The following NTNG1 variants were observed in gnomAD, a reference collection of about 807,000 sequenced individuals.
NTNG1 encodes netrin-G1.
Under a neutral mutation model 54.0 loss-of-function variants are expected in NTNG1, and 16 were observed. That is an observed-to-expected ratio of 0.30 (90% confidence interval 0.20 to 0.45). NTNG1 has a LOEUF of 0.45. Ranked by LOEUF, NTNG1 falls within the 20% of genes least tolerant of loss-of-function variation. NTNG1 has a pLI of 1.00. For synonymous variants in NTNG1, 255 were observed against 263.1 expected, an observed-to-expected ratio of 0.97 and a Z score of 0.30; for missense variants, 530 against 678.7, an observed-to-expected ratio of 0.78 and a Z score of 2.43.
chr1:107,271,257 G>A (rs916024909), intron 2 of NTNG1, among the ~76,000 whole-genome samples: 12 of 152,062 alleles, frequency 7.9e-5, no homozygotes, highest in Admixed American at 7.2e-4. Context: ...GTGCAGGTTA[G>A]TTACATACGT....
At chr1:107,166,151 A>G (rs1315925421) in intron 2 of NTNG1, among the ~76,000 whole-genome samples, 1 of 152,206 alleles carries the variant, frequency 6.6e-6, no homozygotes, top group Non-Finnish European at 1.5e-5. Flanking sequence ...GGGATCAATG[A>G]TAGCTTCATA....
At chr1:107,390,838 T>C (rs1280032687) in intron 3 of NTNG1, among the ~76,000 whole-genome samples, 3 of 152,158 alleles carry the variant, frequency 2.0e-5, no homozygotes, top group Admixed American at 6.5e-5. Flanking sequence ...CAGGAACTTA[T>C]CCTCTAGTGA....
chr1:107,176,951 A>T (rs1267623683), intron 2 of NTNG1, among the ~76,000 whole-genome samples: 1 of 152,166 alleles, frequency 6.6e-6, no homozygotes, highest in Non-Finnish European at 1.5e-5. Flanking sequence ...TGCCAGTAGC[A>T]CACACATCCA....
intron 7 of NTNG1, among the ~76,000 whole-genome samples, chr1:107,463,110 G>T (rs776448615): frequency 6.6e-6 from 1 of 152,150 alleles, no homozygotes; most frequent in Non-Finnish European, 1.5e-5. Context: ...GATTTTCATT[G>T]TGCCTTGACT....
chr1:107,393,984 G>T (rs1672521485), intron 3 of NTNG1, among the ~76,000 whole-genome samples: 2 of 151,496 alleles, frequency 1.3e-5, no homozygotes, highest in African/African-American at 4.9e-5. Context: ...CTATATTTTT[G>T]TCCTAGTTCC....
intron 7 of NTNG1, among the ~76,000 whole-genome samples, chr1:107,443,200 A>G (rs1386640757): frequency 6.6e-6 from 1 of 152,086 alleles, no homozygotes; most frequent in East Asian, 1.9e-4. Flanking sequence ...CCACAGTTTG[A>G]TCACTTGGCT....
intron 2 of NTNG1, among the ~76,000 whole-genome samples, chr1:107,214,964 T>A (rs1378285526): frequency 6.6e-6 from 1 of 152,122 alleles, no homozygotes; most frequent in Admixed American, 6.5e-5. Context: ...CTTAGCCCAC[T>A]TTTTGATGGG....
intron 3 of NTNG1, among the ~76,000 whole-genome samples, chr1:107,340,891 G>T (rs1668860705): frequency 6.6e-6 from 1 of 151,964 alleles, no homozygotes; most frequent in Non-Finnish European, 1.5e-5. Context: ...ACATTTGCAA[G>T]TTATTTTCAA....
intron 3 of NTNG1, among the ~76,000 whole-genome samples, chr1:107,338,809 A>G (rs888373248): frequency 6.6e-6 from 1 of 151,846 alleles, no homozygotes; most frequent in Admixed American, 6.6e-5. Flanking sequence ...GGCAGCAGCC[A>G]AGGTCAAAAC....
intron 2 of NTNG1, among the ~76,000 whole-genome samples, chr1:107,197,184 C>T (rs763864301): frequency 6.6e-6 from 1 of 151,896 alleles, no homozygotes; most frequent in Non-Finnish European, 1.5e-5. Context: ...CTGTATGATA[C>T]CCTTAGGCTT....
chr1:107,404,009 A>T (rs557861179), intron 4 of NTNG1, among the ~76,000 whole-genome samples: 6 of 151,136 alleles, frequency 4.0e-5, no homozygotes, highest in Non-Finnish European at 5.9e-5. Flanking sequence ...AGTATTTTTG[A>T]GGTTGTTCCA....
chr1:107,326,789 G>GA (rs148882784), intron 3 of NTNG1, among the ~76,000 whole-genome samples: 5,053 of 152,068 alleles, frequency 0.033, 295 homozygotes, highest in African/African-American at 0.11. Context: ...TTTTGGTTGG[G>GA]AAAAACCTAT....
intron 2 of NTNG1, among the ~76,000 whole-genome samples, chr1:107,298,013 C>T (rs974562167): frequency 6.6e-6 from 1 of 152,050 alleles, no homozygotes; most frequent in African/African-American, 2.4e-5. Flanking sequence ...TCAAATCAGC[C>T]ATACCCAGAA....
intron 7 of NTNG1, among the ~76,000 whole-genome samples, chr1:107,469,603 C>T (rs977306253): frequency 2.0e-5 from 3 of 152,112 alleles, no homozygotes; most frequent in African/African-American, 7.2e-5. Context: ...CTGCTTCAAC[C>T]TCCCCACCAT....
intron 3 of NTNG1, among the ~76,000 whole-genome samples, chr1:107,377,257 C>T (rs759103629): frequency 1.3e-4 from 20 of 152,196 alleles, no homozygotes; most frequent in Admixed American, 7.2e-4. Flanking sequence ...TCCCAGGAGG[C>T]ATCATGCAGT....
intron 3 of NTNG1, among the ~76,000 whole-genome samples, chr1:107,359,461 G>C (rs1266690914): frequency 6.6e-6 from 1 of 152,118 alleles, no homozygotes; most frequent in Admixed American, 6.6e-5. Flanking sequence ...AAACAGGTCT[G>C]GTGGGCAAAC....
chr1:107,375,853 T>G (rs542088125), intron 3 of NTNG1, among the ~76,000 whole-genome samples: 3 of 152,342 alleles, frequency 2.0e-5, no homozygotes, highest in Admixed American at 2.0e-4. Context: ...ACTTTTTTGC[T>G]CTTTTAACTG....
intron 5 of NTNG1, among the ~76,000 whole-genome samples, chr1:107,417,519 A>T (rs1254234125): frequency 6.6e-6 from 1 of 152,130 alleles, no homozygotes; most frequent in Non-Finnish European, 1.5e-5. Context: ...GCCCTTCTTC[A>T]AAGAGATCCA....
chr1:107,297,872 A>G (rs915213997), intron 2 of NTNG1, among the ~76,000 whole-genome samples: 20 of 152,184 alleles, frequency 1.3e-4, no homozygotes, highest in African/African-American at 4.6e-4. Context: ...AATGCAATAA[A>G]AGATGACATT....
Sources: gnomAD v4.1 joint callset for allele counts (sites outside exome capture counted in the v4.1 genomes callset) on GRCh38, gnomAD v4.1.1 for gene constraint, MANE v1.5 for transcripts, NCBI Gene and HGNC (gene_info 2026-07-23, HGNC 2026-07-21) for gene names.